Variants in MIGA2 observed in about 807,000 individuals in gnomAD.
MIGA2 encodes mitoguardin 2.
In MIGA2, 36 loss-of-function variants were observed where a neutral mutation model predicts 69.9. The ratio of observed to expected loss-of-function variants is 0.52; its 90% CI spans 0.39 to 0.68. The LOEUF (loss-of-function observed/expected upper bound fraction) is 0.68, where lower values mean the gene tolerates loss of function less well. Ranked by LOEUF, MIGA2 falls within the 30% of genes least tolerant of loss-of-function variation. MIGA2 has a pLI of 0.00. For synonymous variants in MIGA2, 333 were observed against 349.2 expected, an observed-to-expected ratio of 0.95 and a Z score of 0.52; for missense variants, 660 against 787.7, an observed-to-expected ratio of 0.84 and a Z score of 1.94.
Position 129,068,204 on chromosome 9 carries a change from T to C in MIGA2, c.1276T>C (p.Cys426Arg), listed in dbSNP as rs1464498147. 5.6e-6 allele frequency: 9 copies of C among 1,613,832 alleles called. No homozygotes were observed. The highest frequency in any genetic ancestry group is 7.6e-6 in the Non-Finnish European group (9 of 1,180,014). ...RLELEGRGVV[C>R]MSFFDIVLDF... ...CCGGGGGCACCCTCTGTAGGTGGTA[T>C]GCATGAGCTTCTTCGACATCGTGCT... The change falls in exon 13 of 16, where the codon TGC becomes CGC. Residue 426 changes from cysteine to arginine, a missense_variant. Physicochemically the swap from Cys to Arg is radical, Grantham distance 180. This residue lies in a region of MIGA2 where 220 missense variants were observed against 301.7 expected (regional missense o/e 0.73). Coordinates refer to ENST00000684074, the MANE Select transcript of MIGA2 (RefSeq NM_001329990.2). This position sits in a 1 kb window ranked among gnomAD's most constrained non-coding sequence, Gnocchi z 4.1.
At chr9:129,062,714 C>T (rs1253132234) in intron 9 of MIGA2, among the ~76,000 whole-genome samples, 4 of 151,518 alleles carry the variant, frequency 2.6e-5, no homozygotes, top group African/African-American at 9.7e-5. Context: ...CGTGGTGGTA[C>T]GTGGCTGTAG....
In MIGA2 at chr9:129,069,211, C is replaced by G; in HGVS notation, c.1458+82C>G. The G allele has an allele frequency of 6.4e-7, 1 of 1,559,470 alleles. No individual in the cohort carries two copies. The highest frequency in any genetic ancestry group is 8.8e-7 in the Non-Finnish European group (1 of 1,135,932). ...GGAGCGGAGCGGGTGCAGGGTGGCT[C>G]GCTGGGCCACTTGGCCTTCACCGCT... On this transcript the variant is annotated intron_variant, in intron 14 of 15. Transcript: ENST00000684074. The surrounding 1 kb of genome is among the most constrained non-coding windows in gnomAD (Gnocchi z 4.9).
chr9:129,037,313 T>C (rs1844646315), intron 1 of MIGA2, among the ~76,000 whole-genome samples: 1 of 152,114 alleles, frequency 6.6e-6, no homozygotes, highest in Middle Eastern at 3.4e-3. Context: ...TAGGATGATA[T>C]GCTTAGGCAC....
At chr9:129,052,190 A>C (rs1845583894) in intron 6 of MIGA2, among the ~76,000 whole-genome samples, 1 of 151,592 alleles carries the variant, frequency 6.6e-6, no homozygotes, top group South Asian at 2.1e-4. Flanking sequence ...CAGTGGCGTG[A>C]TCTTGGCTCA....
At chr9:129,063,492 T>C (rs1846173878) in intron 10 of MIGA2, 53 bp from the exon 11 acceptor site, 1 of 1,602,720 alleles carries the variant, frequency 6.2e-7, no homozygotes, top group Admixed American at 1.7e-5. Flanking sequence ...TCCGTGGGCT[T>C]TGAGGGACTG....
At chr9:129,037,060 G>A in intron 1 of MIGA2, 2 of 1,002,338 alleles carry the variant, frequency 2.0e-6, no homozygotes, top group Non-Finnish European at 2.4e-6. Context: ...GAGAAGAAGG[G>A]GCTGCCCAAG....
At chr9:129,065,788 C>T (rs1846309469) in intron 11 of MIGA2, among the ~76,000 whole-genome samples, 1 of 152,178 alleles carries the variant, frequency 6.6e-6, no homozygotes, top group African/African-American at 2.4e-5. Flanking sequence ...GGTCACTTGT[C>T]ATCTGAGTAC....
In MIGA2 at chr9:129,060,595, G is replaced by A. The variant is rs773977886; in HGVS notation, c.839G>A (p.Arg280Gln). 27 of 1,606,148 alleles carry A rather than the reference G, an allele frequency of 1.7e-5. No individual in the cohort carries two copies. Among genetic ancestry groups the A allele is most frequent in the Middle Eastern group, 3.3e-4 (2 of 6,074 alleles). Residue 280 changes from arginine to glutamine, a missense_variant, in exon 8 of 16, where the codon CGG becomes CAG. Arg to Gln is a conservative substitution (Grantham distance 43). Transcript: ENST00000684074. The surrounding 1 kb of genome is among the most constrained non-coding windows in gnomAD (Gnocchi z 4.8). ...LPLTEGSLRL[R>Q]ADDEDSLTSE... Reference sequence around the variant, plus strand: ...CTGACCGAGGGCTCGCTGCGGCTGCGGGCGGACGATGAGGACAGCCTGACT... The same window carrying A: ...CTGACCGAGGGCTCGCTGCGGCTGCAGGCGGACGATGAGGACAGCCTGACT...
In MIGA2 at chr9:129,069,485, C is replaced by T. The variant is rs190388297; in HGVS notation, c.1458+356C>T. The stretch of plus-strand genomic sequence containing the variant: ...CTGCCCTTTCCCCGCCCCAGTCAGG[C>T]CCCTGTAATCTCCGCTCCCAGGCAG... On this transcript the variant is annotated intron_variant, in intron 14 of 15. Transcript: ENST00000684074. The surrounding 1 kb of genome is among the most constrained non-coding windows in gnomAD (Gnocchi z 4.9). The T allele has an allele frequency of 6.6e-4, 334 of 508,132 alleles. 1 individual carries two copies. Among genetic ancestry groups the T allele is most frequent in the African/African-American group, 5.8e-3 (303 of 52,030 alleles). 31.5% of individuals were successfully genotyped at this position (508,132 alleles called of 1,614,324 possible).
intron 11 of MIGA2, among the ~76,000 whole-genome samples, chr9:129,066,656 C>CAAA (rs34457777): frequency 4.2e-5 from 3 of 71,304 alleles, no homozygotes; most frequent in African/African-American, 1.7e-4. Flanking sequence ...CCTGGGCGAC[C>CAAA]AAAAAAAAAA....
Position 129,059,043 on chromosome 9 carries a change from G to A in MIGA2, c.676-111G>A. The A allele has an allele frequency of 1.2e-6, 1 of 868,322 alleles. No homozygotes were observed. Among genetic ancestry groups the A allele is most frequent in the Non-Finnish European group, 1.8e-6 (1 of 543,578 alleles). The allele number at this position is 868,322 out of a possible 1,614,324, so 53.8% of individuals were successfully genotyped here. ...AGTTTTGGAGTTTATGTGCTTAGCT[G>A]CTGGGTCCTAGAGCTCCTCCCCTTT... On this transcript the variant is annotated intron_variant, in intron 6 of 15. Transcript: ENST00000684074. The surrounding 1 kb of genome is among the most constrained non-coding windows in gnomAD (Gnocchi z 5.6).
At chr9:129,050,029 C>T in intron 6 of MIGA2, 66 bp downstream of exon 6, 1 of 1,551,624 alleles carries the variant, frequency 6.4e-7, no homozygotes, top group Non-Finnish European at 8.7e-7. Context: ...GAGGGGCGGC[C>T]ACACCTTGGG....
Position 129,060,708 on chromosome 9 carries a change from G to T in MIGA2, c.894+58G>T. ...GGTGAAGGCTGGGCCTCCTCTGCAG[G>T]TCCATGGGGCCAGCACTGGGTCATG... On this transcript the variant is annotated intron_variant, in intron 8 of 15. Transcript: ENST00000684074. This position sits in a 1 kb window ranked among gnomAD's most constrained non-coding sequence, Gnocchi z 4.8. The T allele has an allele frequency of 7.2e-7, 1 of 1,398,306 alleles. No homozygotes were observed. Among genetic ancestry groups the T allele is most frequent in the South Asian group, 1.3e-5 (1 of 78,960 alleles). The allele number at this position is 1,398,306 out of a possible 1,614,324, so 86.6% of individuals were successfully genotyped here.
In MIGA2 at chr9:129,063,326, GC is replaced by G; in HGVS notation, c.1083+12del. On this transcript the variant is annotated intron_variant, in intron 10 of 15. Coordinates refer to ENST00000684074, the MANE Select transcript of MIGA2 (RefSeq NM_001329990.2). Reference sequence around the variant, plus strand: ...GCGGCAGGCCTTCGAGGTGGGTGTGGCCTGGGGGTTCCTCGGGGGTGGGAGG... The same window carrying G: ...GCGGCAGGCCTTCGAGGTGGGTGTGGCTGGGGGTTCCTCGGGGGTGGGAGG... 1 of 1,614,008 alleles carries G rather than the reference GC, an allele frequency of 6.2e-7. No homozygotes were observed.
chr9:129,051,619 G>A (rs1024121633), intron 6 of MIGA2, among the ~76,000 whole-genome samples: 3 of 149,342 alleles, frequency 2.0e-5, no homozygotes, highest in Non-Finnish European at 3.0e-5. Flanking sequence ...TTTTTAAGAC[G>A]GAGTCTTGCT....
intron 5 of MIGA2, 27 bp downstream of exon 5, chr9:129,049,525 G>C (rs1030548568): frequency 1.2e-6 from 2 of 1,605,412 alleles, no homozygotes; most frequent in Non-Finnish European, 8.5e-7. Context: ...CCTCAGCTTC[G>C]AGGGCAGGGT....
intron 11 of MIGA2, 104 bp from the exon 12 acceptor site, chr9:129,067,668 TG>T: frequency 2.0e-6 from 2 of 977,650 alleles, no homozygotes; most frequent in Non-Finnish European, 1.5e-6. Context: ...GCCTGCTGCG[TG>T]GGGATGGGCC....
At chr9:129,058,954 G>A (rs1176900423) in intron 6 of MIGA2, among the ~76,000 whole-genome samples, 200 bp from the exon 7 acceptor site, 3 of 152,232 alleles carry the variant, frequency 2.0e-5, no homozygotes, top group African/African-American at 7.2e-5. Flanking sequence ...TACACTCTGG[G>A]ACTGTCCAGG....
intron 11 of MIGA2, among the ~76,000 whole-genome samples, chr9:129,066,033 G>A (rs890014642): frequency 5.3e-5 from 8 of 152,214 alleles, no homozygotes; most frequent in African/African-American, 9.7e-5. Flanking sequence ...AGCACTCCTC[G>A]GATATTCTCC....
Sources: gnomAD v4.1 joint callset for allele counts (sites outside exome capture counted in the v4.1 genomes callset) on GRCh38, gnomAD v4.1.1 for gene constraint, gnomAD v4.1.1 regional missense constraint, Gnocchi (gnomAD v3.1) non-coding constraint, MANE v1.5 for transcripts, NCBI Gene and HGNC (gene_info 2026-07-23, HGNC 2026-07-21) for gene names.